The following RASSF2 variants were observed in gnomAD, a reference collection of about 807,000 sequenced individuals.
The protein encoded by RASSF2 is Ras association domain family member 2, also known as ras association domain-containing protein 2.
A neutral mutation model predicts 46.3 loss-of-function variants in RASSF2; 34 were observed. The observed-to-expected ratio is 0.73, with a 90% CI of 0.56 to 0.98. The LOEUF (loss-of-function observed/expected upper bound fraction) is 0.98. Ranked by LOEUF, RASSF2 falls within the 50% of genes least tolerant of loss-of-function variation. The probability of loss-of-function intolerance (pLI) is 0.00; values close to 1 mark genes in which losing one functional copy is unlikely to be tolerated. For synonymous variants in RASSF2, 158 were observed against 162.5 expected, an observed-to-expected ratio of 0.97 and a Z score of 0.21; for missense variants, 364 against 431.2, an observed-to-expected ratio of 0.84 and a Z score of 1.38.
intron 2 of RASSF2, among the ~76,000 whole-genome samples, chr20:4,804,609 G>A (rs1200683543): frequency 1.3e-5 from 2 of 152,138 alleles, no homozygotes; most frequent in Non-Finnish European, 2.9e-5. Flanking sequence ...AGAGTGCTGC[G>A]TTTATGGCCT....
rs778162197 is a variant in RASSF2 at position 4,781,057 on chromosome 20, A to G, written c.*3216T>C. 1 of 151,850 alleles carries G rather than the reference A, an allele frequency of 6.6e-6. No individual in the cohort carries two copies. 9.4% of individuals were successfully genotyped at this position (151,850 alleles called of 1,614,324 possible). A position where few individuals can be genotyped will look rare whatever the true frequency, so the allele number is the denominator to read the frequency against. ...GTGCTACAGAGCTTTGACATAAAAC[A>G]TGGTTTTTGGTTGTTTTGTTGTTGG... is the stretch of plus-strand genomic sequence containing the variant. On this transcript the variant is annotated 3_prime_UTR_variant, in exon 12 of 12. Transcript: ENST00000379400.
chr20:4,781,152 ACTCTCCTGACACTTTG>A lies in RASSF2; in HGVS notation c.*3105_*3120del, dbSNP rs1924782506. The A allele has an allele frequency of 6.6e-6, 1 of 151,172 alleles. No homozygotes were observed. Among genetic ancestry groups the A allele is most frequent in the African/African-American group, 2.4e-5 (1 of 41,044 alleles). The allele number at this position is 151,172 out of a possible 1,614,324, so 9.4% of individuals were successfully genotyped here. A position where few individuals can be genotyped will look rare whatever the true frequency, so the allele number is the denominator to read the frequency against. ...TTGCTCTTCTGTGGCCAATTTCTTC[ACTCTCCTGACACTTTG>A]AAGTAACCACTCAACTCCACAGACT... On this transcript the variant is annotated 3_prime_UTR_variant, in exon 12 of 12. Coordinates refer to ENST00000379400, the MANE Select transcript of RASSF2 (RefSeq NM_014737.3).
rs140116871 is a variant in RASSF2, at chr20:4,782,249, T to C, written c.*2024A>G. The stretch of plus-strand genomic sequence containing the variant: ...TAAGAGCTAGTGGTTAGTAGTTTGC[T>C]TTGTGGAAATTCTTCTCCCAAGTCC... On this transcript the variant is annotated 3_prime_UTR_variant, in exon 12 of 12. Coordinates refer to ENST00000379400, the MANE Select transcript of RASSF2 (RefSeq NM_014737.3). 2.4e-4 allele frequency: 37 copies of C among 152,670 alleles called. No homozygotes were observed. Among genetic ancestry groups the C allele is most frequent in the Non-Finnish European group, 3.5e-4 (24 of 68,052 alleles). The allele number at this position is 152,670 out of a possible 1,614,324, so 9.5% of individuals were successfully genotyped here. A position where few individuals can be genotyped will look rare whatever the true frequency, so the allele number is the denominator to read the frequency against.
At chr20:4,817,512 C>T (rs568096374) in intron 2 of RASSF2, among the ~76,000 whole-genome samples, 55 of 152,296 alleles carry the variant, frequency 3.6e-4, no homozygotes, top group African/African-American at 5.1e-4. Flanking sequence ...TTTACCAGGA[C>T]GTCACTGGTC....
intron 2 of RASSF2, among the ~76,000 whole-genome samples, chr20:4,805,223 A>G (rs1295873836): frequency 1.3e-5 from 2 of 152,130 alleles, no homozygotes; most frequent in Non-Finnish European, 2.9e-5. Flanking sequence ...CTTGAAACGA[A>G]GAGACTATCC....
chr20:4,791,685 T>A (rs986667962), intron 6 of RASSF2, among the ~76,000 whole-genome samples: 1 of 152,142 alleles, frequency 6.6e-6, no homozygotes, highest in African/African-American at 2.4e-5. Context: ...CTTGAAAGAA[T>A]CCTACACGCT....
chr20:4,801,713 A>G (rs1480897277), intron 2 of RASSF2, among the ~76,000 whole-genome samples: 2 of 152,218 alleles, frequency 1.3e-5, no homozygotes, highest in African/African-American at 2.4e-5. Flanking sequence ...GGATTTCTCA[A>G]CCTTGGCACT....
In RASSF2 at chr20:4,781,953, T is replaced by C. The variant is rs1040167036; in HGVS notation, c.*2320A>G. ...AACCCTTCCAAAATTTCTGATCAGG[T>C]TCTTAGGACGTGAGAAATGACCTCT... is the stretch of plus-strand genomic sequence containing the variant. On this transcript the variant is annotated 3_prime_UTR_variant, in exon 12 of 12. Coordinates refer to ENST00000379400, the MANE Select transcript of RASSF2 (RefSeq NM_014737.3). The C allele has an allele frequency of 1.3e-4, 20 of 152,172 alleles. No individual in the cohort carries two copies. Among genetic ancestry groups the C allele is most frequent in the African/African-American group, 4.8e-4 (20 of 41,432 alleles). The allele number at this position is 152,172 out of a possible 1,614,324, so 9.4% of individuals were successfully genotyped here. A position where few individuals can be genotyped will look rare whatever the true frequency, so the allele number is the denominator to read the frequency against.
chr20:4,805,104 G>A (rs73588966), intron 2 of RASSF2, among the ~76,000 whole-genome samples: 1 of 152,130 alleles, frequency 6.6e-6, no homozygotes, highest in Non-Finnish European at 1.5e-5. Context: ...GGCCATGTGA[G>A]TGTGGAGGAT....
At chr20:4,792,757 C>T in intron 5 of RASSF2, 130 bp from the exon 6 acceptor site, 2 of 1,451,938 alleles carry the variant, frequency 1.4e-6, no homozygotes, top group Non-Finnish European at 9.1e-7. Context: ...TACTGGCACA[C>T]ATCAGGTGAT....
At chr20:4,794,343 T>G (rs1234718946) in intron 5 of RASSF2, among the ~76,000 whole-genome samples, 1 of 151,664 alleles carries the variant, frequency 6.6e-6, no homozygotes, top group Non-Finnish European at 1.5e-5. Flanking sequence ...TCAAGGAAGG[T>G]GGATATCTTG....
intron 8 of RASSF2, 148 bp from the exon 9 acceptor site, chr20:4,788,416 T>A (rs1925556805): frequency 5.7e-6 from 4 of 702,880 alleles, no homozygotes; most frequent in South Asian, 5.0e-5. Context: ...TCAGAAGTGA[T>A]GAGAAGATCG....
At chr20:4,796,398 C>T (rs749100918) in intron 4 of RASSF2, among the ~76,000 whole-genome samples, 14 of 152,200 alleles carry the variant, frequency 9.2e-5, no homozygotes, top group Non-Finnish European at 1.9e-4. Flanking sequence ...AGCAATCCAA[C>T]CTGGTGGTTG....
intron 6 of RASSF2, 116 bp downstream of exon 6, chr20:4,792,423 T>C: frequency 1.3e-6 from 2 of 1,543,650 alleles, no homozygotes; most frequent in Non-Finnish European, 1.7e-6. Context: ...TCTCCCTTTG[T>C]ATCTTGAACC....
rs557535333 is a variant in RASSF2, at chr20:4,780,174, G to A, written c.*4099C>T. 7.9e-5 allele frequency: 12 copies of A among 152,336 alleles called. No homozygotes were observed. In the East Asian group the frequency reaches 1.9e-3, roughly 24 times the overall value. The allele number at this position is 152,336 out of a possible 1,614,324, so 9.4% of individuals were successfully genotyped here. A position where few individuals can be genotyped will look rare whatever the true frequency, so the allele number is the denominator to read the frequency against. On this transcript the variant is annotated 3_prime_UTR_variant, in exon 12 of 12. Coordinates refer to ENST00000379400, the MANE Select transcript of RASSF2 (RefSeq NM_014737.3). ...TCAGTGTGTAAGTTCAGAACCAAAC[G>A]TTGAATCAAGTCATGTACCATCGCT...
At chr20:4,788,043 C>A (rs1428533802) in intron 9 of RASSF2, among the ~76,000 whole-genome samples, 174 bp downstream of exon 9, 1 of 152,112 alleles carries the variant, frequency 6.6e-6, no homozygotes, top group East Asian at 1.9e-4. Context: ...GTTTACTGGC[C>A]ATATAAGGCA....
chr20:4,788,066 C>A, intron 9 of RASSF2, 151 bp downstream of exon 9: 1 of 762,876 alleles, frequency 1.3e-6, no homozygotes. Context: ...CCCTAGTAGA[C>A]TCATACAGCA....
chr20:4,811,074 T>A (rs1170450314), intron 2 of RASSF2, among the ~76,000 whole-genome samples: 1 of 152,072 alleles, frequency 6.6e-6, no homozygotes, highest in Non-Finnish European at 1.5e-5. Flanking sequence ...AACATCCTGA[T>A]GTCAGCGAGG....
In RASSF2 at chr20:4,798,043, A is replaced by G. The variant is rs747025572; in HGVS notation, c.102T>C (p.Tyr34=). The change falls in exon 4 of 12, where the codon TAT becomes TAC. Residue 34 remains tyrosine (Y), a synonymous_variant. Coordinates refer to ENST00000379400, the MANE Select transcript of RASSF2 (RefSeq NM_014737.3). ...LLHLKTYNLY[Y]EGQNLQLRHR... The stretch of plus-strand genomic sequence containing the variant: ...GCCGGAGCTGTAAATTCTGGCCTTC[A>G]TAGTACAAGTTGTAGGTCTTCAGAT... 1.5e-5 allele frequency: 25 copies of G among 1,613,864 alleles called. No individual in the cohort carries two copies. The highest frequency in any genetic ancestry group is 8.8e-5 in the South Asian group (8 of 91,076).
Sources: gnomAD v4.1 joint callset for allele counts (sites outside exome capture counted in the v4.1 genomes callset) on GRCh38, gnomAD v4.1.1 for gene constraint, MANE v1.5 for transcripts, NCBI Gene and HGNC (gene_info 2026-07-23, HGNC 2026-07-21) for gene names.